CDH4: variants seen among roughly 807,000 people sequenced by gnomAD.
CDH4 encodes the protein cadherin 4.
CDH4 carries 33 observed loss-of-function variants against 86.0 expected under a neutral mutation model. That is an observed-to-expected ratio of 0.38 (90% CI 0.29 to 0.51). The LOEUF (loss-of-function observed/expected upper bound fraction) is 0.51, where lower values mean the gene tolerates loss of function less well. Ranked by LOEUF, CDH4 falls within the 20% of genes least tolerant of loss-of-function variation. The pLI is 0.86. For missense variants in CDH4, 1,114 were observed against 1,307.4 expected (o/e 0.85, Z 2.28); for synonymous variants, 555 against 549.4 (o/e 1.01, Z -0.14).
Position 61,443,747 on chromosome 20 carries a change from G to T in CDH4, c.169+188810G>T, listed in dbSNP as rs557449816. Among the ~76,000 whole-genome samples the T allele has an allele frequency of 1.2e-4, 18 of 152,226 alleles. No individual in the cohort carries two copies. The South Asian group carries it at 3.1e-3, about 26-fold the overall frequency. On this transcript the variant is annotated intron_variant, in intron 2 of 15. Transcript: ENST00000614565. The stretch of plus-strand genomic sequence containing the variant: ...TACGCGGGCAGGGCCTGCAGGACCG[G>T]GTCTTGCTTGGCTCTGTATGTGTGT...
chr20:61,460,547 G>C (rs1409119988), intron 2 of CDH4, among the ~76,000 whole-genome samples: 2 of 152,238 alleles, frequency 1.3e-5, no homozygotes, highest in African/African-American at 4.8e-5. Flanking sequence ...CATGTTTGGG[G>C]ATAAGGGCCT....
chr20:61,329,113 C>T (rs895984338), intron 2 of CDH4, among the ~76,000 whole-genome samples: 4 of 152,204 alleles, frequency 2.6e-5, no homozygotes, highest in African/African-American at 9.6e-5. Context: ...GGGAAACAGA[C>T]GGCTGTGTGG....
chr20:61,631,159 G>A (rs541484369), intron 2 of CDH4, among the ~76,000 whole-genome samples: 1 of 152,240 alleles, frequency 6.6e-6, no homozygotes, highest in South Asian at 2.1e-4. Context: ...GATGCACAGG[G>A]GAAGCATAAG....
chr20:61,634,155 A>C (rs1189612032), intron 2 of CDH4, among the ~76,000 whole-genome samples: 1 of 152,196 alleles, frequency 6.6e-6, no homozygotes, highest in Non-Finnish European at 1.5e-5. Context: ...ATTTCATGAA[A>C]GGGCTCTGCA....
chr20:61,515,644 G>A (rs2085813328), intron 2 of CDH4, among the ~76,000 whole-genome samples: 1 of 152,208 alleles, frequency 6.6e-6, no homozygotes. Context: ...AGAAGTCCCA[G>A]GCACAAATGT....
chr20:61,696,534 A>G (rs1665066932), intron 2 of CDH4, among the ~76,000 whole-genome samples: 1 of 152,156 alleles, frequency 6.6e-6, no homozygotes, highest in Admixed American at 6.5e-5. Flanking sequence ...ACTCCTCCAC[A>G]ACATGGTCCT....
intron 2 of CDH4, among the ~76,000 whole-genome samples, chr20:61,362,320 C>T (rs1256903947): frequency 1.3e-5 from 2 of 151,924 alleles, no homozygotes; most frequent in Non-Finnish European, 2.9e-5. Context: ...AGAGCGGAGA[C>T]GTGGCCTAGG....
chr20:61,430,168 C>T (rs540354698), intron 2 of CDH4, among the ~76,000 whole-genome samples: 22 of 152,242 alleles, frequency 1.4e-4, no homozygotes, highest in South Asian at 4.1e-4. Context: ...CCTTTGGTGC[C>T]ATCTCTCTTG....
At chr20:61,266,541 AG>A (rs1395399142) in intron 2 of CDH4, among the ~76,000 whole-genome samples, 3 of 151,832 alleles carry the variant, frequency 2.0e-5, no homozygotes, top group Non-Finnish European at 4.4e-5. Context: ...TGAGTTTGCT[AG>A]GTATGAAGTC....
At chr20:61,498,840 G>A (rs766851567) in intron 2 of CDH4, among the ~76,000 whole-genome samples, 22 of 152,192 alleles carry the variant, frequency 1.4e-4, no homozygotes, top group African/African-American at 4.8e-4. Context: ...GTCCTGGGCC[G>A]CAAGTGCTCT....
At chr20:61,928,490 C>A in intron 12 of CDH4, 67 bp downstream of exon 12, 2 of 1,424,324 alleles carry the variant, frequency 1.4e-6, no homozygotes, top group Non-Finnish European at 2.0e-6. Flanking sequence ...GGAGACCCAG[C>A]TGGCCTTGGA....
Position 61,940,572 on chromosome 20 carries a change from CG to C in CDH4, c.*3633del, listed in dbSNP as rs2055252782. ...TGCGGAGCGGTTGTGCGCGGGCAGG[CG>C]GGGCGCGCTGCTCCAGAGAATGAAT... is the stretch of plus-strand genomic sequence containing the variant. On this transcript the variant is annotated 3_prime_UTR_variant, in exon 16 of 16. Coordinates refer to ENST00000614565, the MANE Select transcript of CDH4 (RefSeq NM_001794.5). The C allele has an allele frequency of 6.6e-6, 1 of 152,238 alleles. No individual in the cohort carries two copies. The highest frequency in any genetic ancestry group is 2.1e-4 in the South Asian group (1 of 4,830). The allele number at this position is 152,238 out of a possible 1,614,324, so 9.4% of individuals were successfully genotyped here.
chr20:61,706,136 C>T (rs150292805), intron 2 of CDH4, among the ~76,000 whole-genome samples: 238 of 152,294 alleles, frequency 1.6e-3, no homozygotes, highest in Non-Finnish European at 2.9e-3. Context: ...GCCGGCCCGA[C>T]GCCTGCCCGG....
intron 2 of CDH4, among the ~76,000 whole-genome samples, chr20:61,256,609 C>T (rs898404367): frequency 6.6e-6 from 1 of 152,176 alleles, no homozygotes; most frequent in Non-Finnish European, 1.5e-5. Flanking sequence ...TGGTGTTCGC[C>T]TCGTGGGGGG....
intron 7 of CDH4, among the ~76,000 whole-genome samples, chr20:61,890,962 G>C (rs561924058): frequency 3.9e-5 from 6 of 152,144 alleles, no homozygotes; most frequent in Non-Finnish European, 8.8e-5. Flanking sequence ...GGTTGTGGCT[G>C]TCCGGGTCAC....
At chr20:61,635,411 C>T (rs995624675) in intron 2 of CDH4, among the ~76,000 whole-genome samples, 2 of 152,212 alleles carry the variant, frequency 1.3e-5, no homozygotes, top group African/African-American at 2.4e-5. Flanking sequence ...GGTGACTTGG[C>T]TGCTGCGGGT....
intron 2 of CDH4, among the ~76,000 whole-genome samples, chr20:61,467,662 CCTT>C (rs1473418053): frequency 1.3e-5 from 2 of 152,194 alleles, no homozygotes; most frequent in African/African-American, 2.4e-5. Flanking sequence ...GAGCAGGAGA[CCTT>C]CTTATTCATG....
intron 3 of CDH4, among the ~76,000 whole-genome samples, chr20:61,767,986 C>G (rs1038255148): frequency 2.0e-5 from 3 of 152,192 alleles, no homozygotes; most frequent in Non-Finnish European, 2.9e-5. Flanking sequence ...CAGTGGGCGG[C>G]TGCCTTGGAG....
intron 2 of CDH4, among the ~76,000 whole-genome samples, chr20:61,514,213 T>C (rs1042753730): frequency 4.6e-5 from 7 of 152,062 alleles, no homozygotes; most frequent in Admixed American, 3.3e-4. Flanking sequence ...CAGAAAGGAA[T>C]GCTAAGGTCT....
Sources: gnomAD v4.1 joint callset for allele counts (sites outside exome capture counted in the v4.1 genomes callset) on GRCh38, gnomAD v4.1.1 for gene constraint, MANE v1.5 for transcripts, NCBI Gene and HGNC (gene_info 2026-07-23, HGNC 2026-07-21) for gene names.